TFCP2L1: variants seen among roughly 807,000 people sequenced by gnomAD.
TFCP2L1 encodes the protein transcription factor CP2 like 1.
Under a neutral mutation model 72.2 loss-of-function variants are expected in TFCP2L1, and 12 were observed. The observed-to-expected ratio is 0.17, with a 90% CI of 0.11 to 0.27. The LOEUF (loss-of-function observed/expected upper bound fraction) is 0.27, where lower values mean the gene tolerates loss of function less well. Ranked by LOEUF, TFCP2L1 falls within the 10% of genes least tolerant of loss-of-function variation. TFCP2L1 has a pLI of 1.00. For missense variants in TFCP2L1, 488 were observed against 624.6 expected (o/e 0.78, Z 2.33); for synonymous variants, 260 against 251.0 (o/e 1.04, Z -0.34).
intron 2 of TFCP2L1, among the ~76,000 whole-genome samples, chr2:121,253,323 C>T (rs1314853801): frequency 6.6e-6 from 1 of 152,222 alleles, no homozygotes; most frequent in African/African-American, 2.4e-5. Context: ...TGCCCACTTG[C>T]CTGTTCAGGA....
At position 121,237,608 on chromosome 2, in the gene TFCP2L1, T is replaced by A. The variant is rs1481890286; in HGVS notation, c.1003+15A>T. On this transcript the variant is annotated intron_variant, in intron 10 of 14. Transcript: ENST00000263707. Reference sequence around the variant, plus strand: ...AGATACTCATGGGCTTTAAACACAGTTCGGAGATGCTCACCTGAGAAGCTG... The same window carrying A: ...AGATACTCATGGGCTTTAAACACAGATCGGAGATGCTCACCTGAGAAGCTG... 1 of 1,613,986 alleles carries A rather than the reference T, an allele frequency of 6.2e-7. No homozygotes were observed. The highest frequency in any genetic ancestry group is 1.7e-5 in the Admixed American group (1 of 60,026).
At chr2:121,235,363 C>A in intron 10 of TFCP2L1, 52 bp from the exon 11 acceptor site, 1 of 1,594,104 alleles carries the variant, frequency 6.3e-7, no homozygotes, top group Non-Finnish European at 8.6e-7. Flanking sequence ...AGAGAAAGGG[C>A]TCGGTCCCCA....
At chr2:121,241,697 C>T (rs1361187377) in intron 7 of TFCP2L1, among the ~76,000 whole-genome samples, 1 of 152,064 alleles carries the variant, frequency 6.6e-6, no homozygotes, top group African/African-American at 2.4e-5. Flanking sequence ...TTCCCATGTG[C>T]AGACCTTCAC....
At chr2:121,281,323 C>T (rs1289609713) in intron 1 of TFCP2L1, 52 bp from the exon 2 acceptor site, 1 of 1,532,786 alleles carries the variant, frequency 6.5e-7, no homozygotes, top group Non-Finnish European at 8.7e-7. Context: ...GGGGCTCCTG[C>T]ACAGAGCCAG....
chr2:121,256,312 C>T (rs75601702), intron 2 of TFCP2L1, among the ~76,000 whole-genome samples: 3,112 of 152,130 alleles, frequency 0.02, 96 homozygotes, highest in African/African-American at 0.069. Flanking sequence ...GGTTTTGGCA[C>T]GGGGAGAAAC....
chr2:121,263,469 C>CAAA (rs10603088), intron 2 of TFCP2L1, among the ~76,000 whole-genome samples: 19 of 67,480 alleles, frequency 2.8e-4, no homozygotes, highest in African/African-American at 6.5e-4. Flanking sequence ...CTGTTTTTGG[C>CAAA]AAAAAAAAAA....
chr2:121,274,520 T>C (rs1294737258), intron 2 of TFCP2L1, among the ~76,000 whole-genome samples: 3 of 152,244 alleles, frequency 2.0e-5, no homozygotes, highest in African/African-American at 7.2e-5. Flanking sequence ...AAGTGAATTT[T>C]GTGTTTAGAT....
intron 1 of TFCP2L1, among the ~76,000 whole-genome samples, chr2:121,282,950 A>G (rs531981840): frequency 1.4e-4 from 21 of 152,290 alleles, no homozygotes; most frequent in African/African-American, 5.1e-4. Flanking sequence ...CCGAAAAATA[A>G]GGGTGCAAGG....
intron 13 of TFCP2L1, among the ~76,000 whole-genome samples, chr2:121,228,111 G>A (rs528017028): frequency 4.7e-4 from 71 of 152,362 alleles, no homozygotes; most frequent in Non-Finnish European, 7.9e-4. Context: ...CAATAGATTC[G>A]GGGTTAAGAG....
chr2:121,231,344 C>CT (rs1686139613), intron 13 of TFCP2L1, among the ~76,000 whole-genome samples: 1 of 152,204 alleles, frequency 6.6e-6, no homozygotes, highest in Admixed American at 6.5e-5. Context: ...CCTGAGCCCT[C>CT]TGCCAGTAGC....
At chr2:121,256,857 G>A (rs1163758052) in intron 2 of TFCP2L1, among the ~76,000 whole-genome samples, 4 of 152,122 alleles carry the variant, frequency 2.6e-5, no homozygotes, top group African/African-American at 9.7e-5. Context: ...TCAGGAGGCC[G>A]AGGCAGGAGA....
intron 11 of TFCP2L1, 31 bp from the exon 12 acceptor site, chr2:121,234,225 T>C (rs755534128): frequency 6.3e-7 from 1 of 1,587,680 alleles, no homozygotes; most frequent in Non-Finnish European, 8.6e-7. Context: ...AAATAATAGG[T>C]GTGGTGGACC....
intron 2 of TFCP2L1, among the ~76,000 whole-genome samples, chr2:121,257,932 C>A (rs1422053683): frequency 6.6e-6 from 1 of 152,108 alleles, no homozygotes; most frequent in South Asian, 2.1e-4. Flanking sequence ...GCTCTGAGAA[C>A]CGGCCCGCCA....
At chr2:121,233,599 T>C (rs889270914) in intron 12 of TFCP2L1, among the ~76,000 whole-genome samples, 1 of 152,150 alleles carries the variant, frequency 6.6e-6, no homozygotes, top group Non-Finnish European at 1.5e-5. Context: ...GCCACAATTT[T>C]GCTCCTAAAA....
intron 14 of TFCP2L1, 134 bp from the exon 15 acceptor site, chr2:121,224,521 C>G (rs1685984724): frequency 1.2e-6 from 1 of 804,480 alleles, no homozygotes; most frequent in African/African-American, 1.7e-5. Flanking sequence ...GCAAAGCGTG[C>G]TGGCAGAAGC....
intron 14 of TFCP2L1, 21 bp from the exon 15 acceptor site, chr2:121,224,408 G>C: frequency 6.2e-7 from 1 of 1,613,012 alleles, no homozygotes; most frequent in East Asian, 2.2e-5. Context: ...GAAACACTGG[G>C]TGTATTTCAC....
intron 12 of TFCP2L1, among the ~76,000 whole-genome samples, chr2:121,233,726 C>G (rs935357570): frequency 6.6e-6 from 1 of 152,174 alleles, no homozygotes; most frequent in Non-Finnish European, 1.5e-5. Context: ...CTGAGGTCCT[C>G]GAGAGTCTCC....
At chr2:121,241,514 A>C (rs1262171249) in intron 7 of TFCP2L1, among the ~76,000 whole-genome samples, 1 of 152,120 alleles carries the variant, frequency 6.6e-6, no homozygotes, top group Non-Finnish European at 1.5e-5. Context: ...AAACAAAAAA[A>C]AAAGGGAAGA....
rs1012738087 is a variant in TFCP2L1 at position 121,221,733 on chromosome 2, A to T, written c.*2608T>A. ...ATATGGCACCAAAAGCACAAGTGAC[A>T]ATAGAAAAAAAATACGTATCTTGGA... On this transcript the variant is annotated 3_prime_UTR_variant, in exon 15 of 15. Transcript: ENST00000263707. 1 of 152,232 alleles carries T rather than the reference A, an allele frequency of 6.6e-6. No individual in the cohort carries two copies. Among genetic ancestry groups the T allele is most frequent in the African/African-American group, 2.4e-5 (1 of 41,450 alleles). 9.4% of individuals were successfully genotyped at this position (152,232 alleles called of 1,614,324 possible). A position where few individuals can be genotyped will look rare whatever the true frequency, so the allele number is the denominator to read the frequency against.
Sources: allele counts gnomAD v4.1 joint callset (sites outside exome capture counted in the v4.1 genomes callset), GRCh38; gene constraint gnomAD v4.1.1; transcripts MANE v1.5; gene names NCBI Gene and HGNC (gene_info 2026-07-23, HGNC 2026-07-21).